SAMMSON: variants seen among roughly 807,000 people sequenced by gnomAD.
SAMMSON encodes the protein long intergenic non-protein coding RNA 1212.
At chr3:70,277,019 A>G (rs551578803) in intron 6 of SAMMSON, among the ~76,000 whole-genome samples, 4 of 152,200 alleles carry the variant, frequency 2.6e-5, no homozygotes, top group Admixed American at 1.3e-4. Flanking sequence ...CATAATTTTT[A>G]GCATGGCATT....
intron 9 of SAMMSON, among the ~76,000 whole-genome samples, chr3:70,388,881 G>A (rs1490377213): frequency 1.3e-5 from 2 of 152,080 alleles, no homozygotes; most frequent in Non-Finnish European, 2.9e-5. Context: ...TCCCTAATGT[G>A]GCAGTGTTGG....
chr3:70,106,242 T>C (rs1576123301), intron 4 of SAMMSON, among the ~76,000 whole-genome samples: 1 of 152,238 alleles, frequency 6.6e-6, no homozygotes, highest in South Asian at 2.1e-4. Flanking sequence ...TTTTAATAAA[T>C]TTCCATTTAA....
chr3:70,099,422 A>T (rs762707042), intron 4 of SAMMSON, among the ~76,000 whole-genome samples: 1 of 152,138 alleles, frequency 6.6e-6, no homozygotes, highest in Non-Finnish European at 1.5e-5. Context: ...ATGACACTTC[A>T]TTGTGTTTTG....
chr3:70,091,611 T>C (rs1169083153), intron 4 of SAMMSON, among the ~76,000 whole-genome samples: 1 of 152,164 alleles, frequency 6.6e-6, no homozygotes, highest in African/African-American at 2.4e-5. Flanking sequence ...TGAGGCATCT[T>C]GAAAGTAACC....
intron 2 of SAMMSON, among the ~76,000 whole-genome samples, chr3:70,433,849 G>A (rs914102007): frequency 6.6e-6 from 1 of 152,066 alleles, no homozygotes; most frequent in African/African-American, 2.4e-5. Context: ...AGATTCTTGG[G>A]ATTTTTTTGG....
chr3:70,432,263 A>T (rs1701420302), intron 2 of SAMMSON, among the ~76,000 whole-genome samples: 1 of 151,364 alleles, frequency 6.6e-6, no homozygotes, highest in African/African-American at 2.4e-5. Context: ...GATTTTTTTC[A>T]TGTACCTATT....
At chr3:70,226,868 G>A (rs1452250851) in intron 4 of SAMMSON, among the ~76,000 whole-genome samples, 1 of 152,132 alleles carries the variant, frequency 6.6e-6, no homozygotes, top group Non-Finnish European at 1.5e-5. Flanking sequence ...ATGGTAAGAA[G>A]TGGGATGGAA....
intron 9 of SAMMSON, among the ~76,000 whole-genome samples, chr3:70,363,114 A>T (rs1056180866): frequency 1.3e-5 from 2 of 152,104 alleles, no homozygotes; most frequent in Non-Finnish European, 2.9e-5. Context: ...AAACAGGGAA[A>T]TGAAAGCATA....
intron 2 of SAMMSON, among the ~76,000 whole-genome samples, chr3:70,398,255 A>G (rs1169437529): frequency 3.3e-5 from 5 of 152,180 alleles, no homozygotes; most frequent in Admixed American, 1.3e-4. Flanking sequence ...TTTATTCTAG[A>G]CTTATTTTTG....
chr3:70,410,581 ATTTCTT>A (rs1332178925), intron 2 of SAMMSON, among the ~76,000 whole-genome samples: 3 of 152,178 alleles, frequency 2.0e-5, no homozygotes, highest in Non-Finnish European at 2.9e-5. Context: ...GGCTAAATAT[ATTTCTT>A]TACTGCAAGA....
chr3:70,412,273 A>G (rs1238688726), intron 2 of SAMMSON, among the ~76,000 whole-genome samples: 1 of 152,200 alleles, frequency 6.6e-6, no homozygotes, highest in Non-Finnish European at 1.5e-5. Context: ...TCATATGTAC[A>G]TCCTAGTATA....
intron 7 of SAMMSON, among the ~76,000 whole-genome samples, chr3:70,319,426 G>A (rs1431611790): frequency 6.6e-6 from 1 of 151,986 alleles, no homozygotes; most frequent in Non-Finnish European, 1.5e-5. Context: ...AACTATGTAT[G>A]AATAATGCAA....
chr3:70,356,572 C>T (rs1272451932), intron 8 of SAMMSON, among the ~76,000 whole-genome samples: 1 of 152,152 alleles, frequency 6.6e-6, no homozygotes, highest in East Asian at 1.9e-4. Flanking sequence ...ATGTCAGCTC[C>T]TTTCTCTGGT....
chr3:70,419,854 G>T (rs1701297486), intron 2 of SAMMSON, among the ~76,000 whole-genome samples: 1 of 152,126 alleles, frequency 6.6e-6, no homozygotes. Flanking sequence ...TAGCCAGGAT[G>T]GTCTCGATCT....
rs1382854706 is a variant in SAMMSON, at chr3:70,278,814, CTT to C, written n.675-12364_675-12363del. Among the ~76,000 whole-genome samples, 5 of 152,048 alleles carry C rather than the reference CTT, an allele frequency of 3.3e-5. No homozygotes were observed. The East Asian group carries it at 9.7e-4, about 30-fold the overall frequency. The stretch of plus-strand genomic sequence containing the variant: ...ACTTATGTTTCCTATGCCTCAGATT[CTT>C]CTTCTATAAAGGATAGCAAGCCACC... On this transcript the variant is annotated intron_variant and non_coding_transcript_variant, in intron 6 of 9. Coordinates refer to ENST00000642114, the Ensembl canonical transcript of SAMMSON.
chr3:70,258,504 G>C (rs1410726963), intron 6 of SAMMSON, among the ~76,000 whole-genome samples: 1 of 152,102 alleles, frequency 6.6e-6, no homozygotes, highest in African/African-American at 2.4e-5. Flanking sequence ...TCCATTTCTA[G>C]ACTATCCAGT....
At chr3:70,117,706 A>G (rs945680826) in intron 4 of SAMMSON, among the ~76,000 whole-genome samples, 2 of 152,116 alleles carry the variant, frequency 1.3e-5, no homozygotes, top group African/African-American at 2.4e-5. Flanking sequence ...TTGGCCACCA[A>G]TATCTTACCC....
At chr3:70,258,485 GAAGA>G (rs1701837878) in intron 6 of SAMMSON, among the ~76,000 whole-genome samples, 1 of 152,140 alleles carries the variant, frequency 6.6e-6, no homozygotes, top group South Asian at 2.1e-4. Flanking sequence ...AACCGAAACT[GAAGA>G]TAGATCCATT....
chr3:70,409,823 A>T (rs1419494927), intron 2 of SAMMSON, among the ~76,000 whole-genome samples: 1 of 152,176 alleles, frequency 6.6e-6, no homozygotes, highest in Admixed American at 6.6e-5. Context: ...GTATTTTTTT[A>T]AAAATAATTT....
Sources: gnomAD v4.1 joint callset for allele counts (sites outside exome capture counted in the v4.1 genomes callset) on GRCh38, gnomAD v4.1.1 for gene constraint, MANE v1.5 for transcripts, NCBI Gene and HGNC (gene_info 2026-07-23, HGNC 2026-07-21) for gene names.